RB1: variants seen among roughly 807,000 people sequenced by gnomAD.
The protein encoded by RB1 is retinoblastoma-associated protein.
In RB1, 18 loss-of-function variants were observed where a neutral mutation model predicts 135.4. The observed-to-expected ratio is 0.13, with a 90% confidence interval of 0.09 to 0.20. RB1 has a LOEUF of 0.20. Ranked by LOEUF, RB1 falls within the 10% of genes least tolerant of loss-of-function variation. The pLI, the probability that RB1 is intolerant of heterozygous loss-of-function variation, is 1.00. For synonymous variants in RB1, 365 were observed against 373.2 expected, an observed-to-expected ratio of 0.98 and a Z score of 0.25; for missense variants, 868 against 1,110.0, an observed-to-expected ratio of 0.78 and a Z score of 3.10.
intron 2 of RB1, among the ~76,000 whole-genome samples, chr13:48,310,336 C>T (rs1400709375): frequency 2.0e-5 from 3 of 152,014 alleles, no homozygotes; most frequent in African/African-American, 7.2e-5. Context: ...AAAGGAAACC[C>T]TTTTTAACAA....
chr13:48,345,644 C>T (rs1009061386), intron 4 of RB1, among the ~76,000 whole-genome samples: 2 of 152,108 alleles, frequency 1.3e-5, no homozygotes, highest in African/African-American at 4.8e-5. Flanking sequence ...TTTTCCATTA[C>T]AGTTCGAGTA....
At chr13:48,387,536 G>T (rs995809647) in intron 17 of RB1, among the ~76,000 whole-genome samples, 4 of 152,122 alleles carry the variant, frequency 2.6e-5, no homozygotes, top group Non-Finnish European at 4.4e-5. Context: ...TCTAAGGCTG[G>T]TGGGGAGGAC....
chr13:48,323,598 A>C (rs563648750), intron 2 of RB1, among the ~76,000 whole-genome samples: 2 of 152,198 alleles, frequency 1.3e-5, no homozygotes, highest in East Asian at 3.8e-4. Context: ...ATTAAAGTTC[A>C]TCATCATGTA....
At chr13:48,389,378 C>T (rs185761048) in intron 17 of RB1, among the ~76,000 whole-genome samples, 6 of 151,876 alleles carry the variant, frequency 4.0e-5, no homozygotes, top group African/African-American at 1.4e-4. Flanking sequence ...AAAGTGGACA[C>T]AGTCAAATAG....
At chr13:48,362,358 A>G (rs1380473073) in intron 7 of RB1, among the ~76,000 whole-genome samples, 2 of 151,888 alleles carry the variant, frequency 1.3e-5, no homozygotes, top group Non-Finnish European at 2.9e-5. Context: ...TATTATATTT[A>G]CTATAATATA....
At chr13:48,328,650 A>T (rs1294018422) in intron 2 of RB1, 1 of 520,610 alleles carries the variant, frequency 1.9e-6, no homozygotes, top group East Asian at 3.3e-5. Context: ...AAATAGCTAC[A>T]AGGTATTTCT....
intron 4 of RB1, among the ~76,000 whole-genome samples, chr13:48,346,016 GA>G (rs1952492053): frequency 1.3e-5 from 2 of 149,080 alleles, no homozygotes; most frequent in Admixed American, 6.7e-5. Flanking sequence ...AAAAATTAGA[GA>G]AAAAACTCAA....
intron 26 of RB1, 69 bp downstream of exon 26, chr13:48,477,473 A>G: frequency 4.8e-6 from 6 of 1,238,360 alleles, no homozygotes; most frequent in African/African-American, 1.5e-5. Flanking sequence ...TCTTTTCGTT[A>G]TATAAAAGAA....
chr13:48,360,188 A>G (rs563952972), intron 7 of RB1, 61 bp downstream of exon 7: 3 of 1,603,306 alleles, frequency 1.9e-6, no homozygotes, highest in South Asian at 1.1e-5. Flanking sequence ...TTGAATGTCT[A>G]GTGGGTACCA....
At chr13:48,334,384 C>T (rs189691862) in intron 2 of RB1, among the ~76,000 whole-genome samples, 116 of 152,280 alleles carry the variant, frequency 7.6e-4, no homozygotes, top group African/African-American at 2.7e-3. Flanking sequence ...TCTGTTCCTA[C>T]GTATCACCTA....
intron 17 of RB1, among the ~76,000 whole-genome samples, chr13:48,429,737 A>G (rs1018781951): frequency 6.6e-5 from 10 of 152,312 alleles, no homozygotes; most frequent in East Asian, 1.9e-4. Context: ...ACTGGTGCCA[A>G]TCTCTCAAAT....
rs200674097 is a variant in RB1 at position 48,362,857 on chromosome 13, G to A, written c.761G>A (p.Arg254Lys). Residue 254 changes from arginine (R) to lysine (K), a missense_variant, in exon 8 of 27, where the codon AGG (arginine) becomes AAG (lysine). Physicochemically the swap from Arg to Lys is conservative, Grantham distance 26. Around this residue, in one of 3 missense-constraint regions of RB1, gnomAD observed 641 missense variants for 791.3 expected, o/e 0.81. Transcript: ENST00000267163. Reference protein sequence around the residue: ...IPINGSPRTPRRGQNRSARIA... With the variant: ...IPINGSPRTPKRGQNRSARIA... ...ATTAATGGTTCACCTCGAACACCCA[G>A]GCGAGGTCAGAACAGGAGTGCACGG... 19 of 1,613,734 alleles carry A rather than the reference G, an allele frequency of 1.2e-5. No individual in the cohort carries two copies. Among genetic ancestry groups the A allele is most frequent in the Admixed American group, 1.7e-5 (1 of 59,988 alleles).
intron 17 of RB1, among the ~76,000 whole-genome samples, chr13:48,418,015 C>T (rs1208964663): frequency 1.3e-5 from 2 of 152,168 alleles, no homozygotes; most frequent in Non-Finnish European, 2.9e-5. Context: ...CATTCCAATT[C>T]AGGAAATACA....
chr13:48,362,843 A>G lies in RB1; in HGVS notation c.747A>G (p.Ser249=). 6.2e-7 allele frequency: 1 copy of G among 1,613,842 alleles called. No individual in the cohort carries two copies. The highest frequency in any genetic ancestry group is 8.5e-7 in the Non-Finnish European group (1 of 1,179,840). The change falls in exon 8 of 27, where the codon TCA becomes TCG. Residue 249 remains serine, a synonymous_variant. Coordinates refer to ENST00000267163, the MANE Select transcript of RB1 (RefSeq NM_000321.3). ...CAGCTGTTATACCCATTAATGGTTC[A>G]CCTCGAACACCCAGGCGAGGTCAGA... ...YKTAVIPING[S]PRTPRRGQNR... is the part of the protein sequence containing the mutation.
At chr13:48,479,866 T>C in intron 26 of RB1, 132 bp from the exon 27 acceptor site, 1 of 714,772 alleles carries the variant, frequency 1.4e-6, no homozygotes, top group Non-Finnish European at 2.6e-6. Context: ...TGTCAAATAC[T>C]AGAATGAAGA....
At chr13:48,315,584 A>G (rs968631284) in intron 2 of RB1, among the ~76,000 whole-genome samples, 2 of 152,152 alleles carry the variant, frequency 1.3e-5, no homozygotes, top group African/African-American at 2.4e-5. Flanking sequence ...GAGAGAGAGC[A>G]TCCTTATTTT....
chr13:48,374,588 T>C (rs1394335678), intron 12 of RB1, among the ~76,000 whole-genome samples: 3 of 152,216 alleles, frequency 2.0e-5, no homozygotes, highest in African/African-American at 7.2e-5. Flanking sequence ...ATGCATAAAG[T>C]CGCTTTTGTT....
chr13:48,318,385 T>G, intron 2 of RB1: 5 of 1,496,758 alleles, frequency 3.3e-6, no homozygotes, highest in Non-Finnish European at 3.7e-6. Flanking sequence ...CGCTTGGACC[T>G]TAAGTCCTTG....
At chr13:48,477,713 C>A (rs1949512867) in intron 26 of RB1, among the ~76,000 whole-genome samples, 1 of 152,068 alleles carries the variant, frequency 6.6e-6, no homozygotes, top group South Asian at 2.1e-4. Context: ...CAAAGAGGAG[C>A]TATTTGGGAG....
Sources: allele counts gnomAD v4.1 joint callset (sites outside exome capture counted in the v4.1 genomes callset), GRCh38; gene constraint gnomAD v4.1.1; regional missense constraint gnomAD v4.1.1; transcripts MANE v1.5; gene names NCBI Gene and HGNC (gene_info 2026-07-23, HGNC 2026-07-21).